ASPHD1: variants seen among roughly 807,000 people sequenced by gnomAD.
ASPHD1 encodes aspartate beta-hydroxylase domain containing 1, also known as aspartate beta-hydroxylase domain-containing protein 1.
ASPHD1 carries 20 observed loss-of-function variants against 28.3 expected under a neutral mutation model. That is an observed-to-expected ratio of 0.71 (90% CI 0.50 to 1.03). The LOEUF (loss-of-function observed/expected upper bound fraction) is 1.03. ASPHD1 is among the 50% of genes least tolerant of loss of function. The pLI is 0.00. For synonymous variants in ASPHD1, 240 were observed against 221.2 expected (o/e 1.08, Z -0.75); for missense variants, 479 against 524.1 (o/e 0.91, Z 0.84).
chr16:29,912,242 G>C (rs2068726551), intron 3 of ASPHD1: 2 of 614,228 alleles, frequency 3.3e-6, no homozygotes, highest in Non-Finnish European at 5.7e-6. Flanking sequence ...CGGACACCTT[G>C]CTGCTTCACA....
chr16:29,909,795 C>T (rs2068673904), downstream of ASPHD1, among the ~76,000 whole-genome samples: 1 of 151,470 alleles, frequency 6.6e-6, no homozygotes, highest in Non-Finnish European at 1.5e-5. Context: ...CTAGGGCGGG[C>T]CCGGTGGCTC....
chr16:29,905,888 A>G lies in ASPHD1; in HGVS notation c.1164A>G (p.Pro388=). 6.2e-7 allele frequency: 1 copy of G among 1,611,002 alleles called. No homozygotes were observed. Among genetic ancestry groups the G allele is most frequent in the African/African-American group, 1.3e-5 (1 of 74,896 alleles). The change falls in exon 3 of 3, where the codon CCA becomes CCG. Residue 388 remains proline, a synonymous_variant. Coordinates refer to ENST00000308748, the MANE Select transcript of ASPHD1 (RefSeq NM_181718.4). ...AGGCCCTCGACTTTGTCTTCGCCCC[A>G]GACCCTTGAAGGAAGGTGCTCCCTT... ...ERQALDFVFA[P]DP
At chr16:29,916,682 A>G (rs1282447980) in intron 3 of ASPHD1, among the ~76,000 whole-genome samples, 1 of 152,172 alleles carries the variant, frequency 6.6e-6, no homozygotes, top group African/African-American at 2.4e-5. Flanking sequence ...TGGCCGACAG[A>G]GCAAGACTCT....
intron 3 of ASPHD1, chr16:29,911,993 C>T (rs2068721750): frequency 3.1e-6 from 5 of 1,611,590 alleles, no homozygotes; most frequent in African/African-American, 1.3e-5. Flanking sequence ...GCTGCTCCTC[C>T]CGGGGAGATG....
intron 1 of ASPHD1, among the ~76,000 whole-genome samples, chr16:29,903,847 C>T (rs2068576119): frequency 6.6e-6 from 1 of 152,154 alleles, no homozygotes; most frequent in Non-Finnish European, 1.5e-5. Flanking sequence ...GTTGGCTGCT[C>T]ACTTTCCTCA....
In ASPHD1 at chr16:29,901,668, G is replaced by A. The variant is rs1036413803; in HGVS notation, c.697G>A (p.Gly233Arg). 2 of 1,584,054 alleles carry A rather than the reference G, an allele frequency of 1.3e-6. No homozygotes were observed. The highest frequency in any genetic ancestry group is 1.7e-6 in the Non-Finnish European group (2 of 1,170,816). The change falls in exon 1 of 3, where the codon GGG (glycine) becomes AGG (arginine). Residue 233 changes from glycine to arginine, a missense_variant. By Grantham distance (125) the Gly-to-Arg change is moderately radical. Transcript: ENST00000308748. The surrounding 1 kb of genome is among the most constrained non-coding windows in gnomAD (Gnocchi z 5.1). Reference protein sequence around the residue: ...DFGAVSWDFSGTTPPPRGWSP... With the variant: ...DFGAVSWDFSRTTPPPRGWSP... ...CGGGGCTGTGAGCTGGGACTTCTCA[G>A]GGACTACCCCTCCGCCTCGGGGCTG...
chr16:29,905,653 A>AT, intron 2 of ASPHD1, 135 bp from the exon 3 acceptor site: 3 of 397,388 alleles, frequency 7.5e-6, no homozygotes, highest in Non-Finnish European at 1.4e-5. Context: ...AAAAAAAAAA[A>AT]GATTTGATAC....
downstream of ASPHD1, among the ~76,000 whole-genome samples, chr16:29,910,563 T>A (rs908765134): frequency 6.6e-6 from 1 of 152,088 alleles, no homozygotes; most frequent in Non-Finnish European, 1.5e-5. Flanking sequence ...CCCACGATGT[T>A]GCCCAGGCTG....
At chr16:29,905,227 A>G in intron 2 of ASPHD1, 1 of 367,450 alleles carries the variant, frequency 2.7e-6, no homozygotes, top group Non-Finnish European at 4.9e-6. Context: ...TTCCTGTCCT[A>G]CCTCTTGCAC....
At chr16:29,918,893 T>A (rs2068859659) in intron 3 of ASPHD1, among the ~76,000 whole-genome samples, 1 of 151,244 alleles carries the variant, frequency 6.6e-6, no homozygotes, top group Non-Finnish European at 1.5e-5. Flanking sequence ...CTCCTGACCT[T>A]GTGATCCACC....
At chr16:29,903,354 C>T (rs1190794937) in intron 1 of ASPHD1, among the ~76,000 whole-genome samples, 1 of 151,760 alleles carries the variant, frequency 6.6e-6, no homozygotes, top group Non-Finnish European at 1.5e-5. Context: ...GAAACTTCAT[C>T]TCAAAAACAA....
chr16:29,911,765 C>T lies in ASPHD1; in HGVS notation c.*62+5806C>T, dbSNP rs751271234. ...GCCCTCGCCTTGGGCAGAAGCAGGG[C>T]TGTGCTGCATCCCAGGGTCCCGCCC... On this transcript the variant is annotated intron_variant and NMD_transcript_variant, in intron 3 of 3. Coordinates refer to the ASPHD1 transcript ENST00000414952. 1.9e-6 allele frequency: 3 copies of T among 1,598,264 alleles called. No homozygotes were observed. The South Asian group carries it at 3.3e-5, about 18-fold the overall frequency.
At chr16:29,912,251 C>T in intron 3 of ASPHD1, 1 of 606,874 alleles carries the variant, frequency 1.6e-6, no homozygotes, top group South Asian at 2.0e-5. Flanking sequence ...TGCTGCTTCA[C>T]ACATCCAGCT....
At chr16:29,905,491 G>A (rs896739226) in intron 2 of ASPHD1, among the ~76,000 whole-genome samples, 6 of 151,894 alleles carry the variant, frequency 4.0e-5, no homozygotes, top group African/African-American at 1.2e-4. Context: ...ACCCAGGTGT[G>A]GTGATGAGCA....
downstream of ASPHD1, among the ~76,000 whole-genome samples, chr16:29,909,318 G>A (rs557479579): frequency 2.0e-5 from 3 of 152,282 alleles, no homozygotes; most frequent in Non-Finnish European, 4.4e-5. Flanking sequence ...TGAGTCTTAA[G>A]ATTAAGTACA....
intron 3 of ASPHD1, among the ~76,000 whole-genome samples, chr16:29,918,751 A>G (rs1365720595): frequency 6.6e-6 from 1 of 152,082 alleles, no homozygotes; most frequent in African/African-American, 2.4e-5. Flanking sequence ...CTGCCTCCCC[A>G]GGTTCAAGCG....
At chr16:29,912,329 G>A (rs1336269686) in intron 3 of ASPHD1, 14 of 522,948 alleles carry the variant, frequency 2.7e-5, no homozygotes, top group South Asian at 2.2e-4. Flanking sequence ...TCAGCGTGGC[G>A]TGTCCGTCAT....
intron 3 of ASPHD1, chr16:29,912,468 G>GT (rs1377094420): frequency 6.8e-5 from 15 of 220,302 alleles, no homozygotes; most frequent in Non-Finnish European, 7.1e-5. Flanking sequence ...TTGAGACAGA[G>GT]TTTCGCTTGT....
chr16:29,913,842 ATTTTT>A, intron 3 of ASPHD1: 1 of 152,044 alleles, frequency 6.6e-6, no homozygotes, highest in East Asian at 1.9e-4. Context: ...TGTCTTTTTT[ATTTTT>A]GAGATGGAGT....
Sources: gnomAD v4.1 joint callset for allele counts (sites outside exome capture counted in the v4.1 genomes callset) on GRCh38, gnomAD v4.1.1 for gene constraint, Gnocchi (gnomAD v3.1) non-coding constraint, MANE v1.5 for transcripts, NCBI Gene and HGNC (gene_info 2026-07-23, HGNC 2026-07-21) for gene names.